The following STIM2 variants were observed in gnomAD, a reference collection of about 807,000 sequenced individuals.
STIM2 encodes the protein stromal interaction molecule 2.
In STIM2, 31 loss-of-function variants were observed where a neutral mutation model predicts 85.8. The ratio of observed to expected loss-of-function variants is 0.36; its 90% confidence interval spans 0.27 to 0.49. The LOEUF (loss-of-function observed/expected upper bound fraction) is 0.49, where lower values mean the gene tolerates loss of function less well. Ranked by LOEUF, STIM2 falls within the 20% of genes least tolerant of loss-of-function variation. The pLI, the probability that STIM2 is intolerant of heterozygous loss-of-function variation, is 0.98. For missense variants in STIM2, 841 were observed against 927.6 expected, an observed-to-expected ratio of 0.91 and a Z score of 1.21; for synonymous variants, 356 against 331.1, an observed-to-expected ratio of 1.08 and a Z score of -0.82.
intron 1 of STIM2, among the ~76,000 whole-genome samples, chr4:26,908,300 A>G (rs1235491981): frequency 6.6e-6 from 1 of 152,194 alleles, no homozygotes; most frequent in African/African-American, 2.4e-5. Flanking sequence ...AGGGAAAGAT[A>G]GAGTTCTTTG....
intron 3 of STIM2, among the ~76,000 whole-genome samples, chr4:26,968,291 G>A (rs1032441413): frequency 6.6e-6 from 1 of 152,130 alleles, no homozygotes; most frequent in African/African-American, 2.4e-5. Flanking sequence ...AGCAACCCAA[G>A]TGTCCATTGA....
chr4:26,969,950 A>G (rs1483480199), intron 3 of STIM2, among the ~76,000 whole-genome samples: 1 of 152,104 alleles, frequency 6.6e-6, no homozygotes, highest in Non-Finnish European at 1.5e-5. Context: ...AGTATAGTGT[A>G]TCTTCTCTTT....
chr4:26,897,216 G>C (rs1278989673), intron 1 of STIM2, among the ~76,000 whole-genome samples: 2 of 152,318 alleles, frequency 1.3e-5, no homozygotes, highest in Middle Eastern at 6.8e-3. Context: ...CTGATCTCCA[G>C]AGTGGCAGTA....
intron 1 of STIM2, among the ~76,000 whole-genome samples, chr4:26,874,704 A>G (rs1344601443): frequency 1.3e-5 from 2 of 152,230 alleles, no homozygotes; most frequent in Non-Finnish European, 1.5e-5. Flanking sequence ...GTGCTGGTTA[A>G]TATGAAATTG....
intron 1 of STIM2, among the ~76,000 whole-genome samples, chr4:26,904,829 C>T (rs556868801): frequency 2.0e-5 from 3 of 150,296 alleles, no homozygotes; most frequent in African/African-American, 4.9e-5. Flanking sequence ...CAACAATTCA[C>T]TGTGAGAAAA....
rs763036602 is a variant in STIM2 at position 27,017,893 on chromosome 4, G to C, written c.1672G>C (p.Asp558His). 6.2e-7 allele frequency: 1 copy of C among 1,614,082 alleles called. No individual in the cohort carries two copies. The highest frequency in any genetic ancestry group is 8.5e-7 in the Non-Finnish European group (1 of 1,180,012). Residue 558 changes from aspartate to histidine, a missense_variant, in exon 11 of 12, where the codon GAT (aspartate) becomes CAT (histidine). Coordinates refer to ENST00000467087, the MANE Select transcript of STIM2 (RefSeq NM_020860.4). ...CACACCACACTCCTTGCCTTCCCCTGATCCAGATATCCTCTCAGTGTCAAG... is the reference window on the plus strand; with the variant it reads ...CACACCACACTCCTTGCCTTCCCCTCATCCAGATATCCTCTCAGTGTCAAG...
At chr4:26,972,459 G>T (rs1385727327) in intron 3 of STIM2, among the ~76,000 whole-genome samples, 1 of 152,076 alleles carries the variant, frequency 6.6e-6, no homozygotes, top group Non-Finnish European at 1.5e-5. Flanking sequence ...AAGGGCTGTT[G>T]AGTTTTTTGA....
chr4:26,964,652 C>G (rs143023655), intron 3 of STIM2, among the ~76,000 whole-genome samples: 42 of 152,134 alleles, frequency 2.8e-4, no homozygotes, highest in Middle Eastern at 3.4e-3. Context: ...TTAACTGATT[C>G]ATACAGGAAA....
At chr4:26,885,859 A>ATATATATATGTATATATATATG (rs1553845029) in intron 1 of STIM2, among the ~76,000 whole-genome samples, 1 of 89,440 alleles carries the variant, frequency 1.1e-5, no homozygotes, top group Non-Finnish European at 2.3e-5. Context: ...ATATATATAT[A>ATATATATATGTATATATATATG]TATATATATA....
intron 1 of STIM2, among the ~76,000 whole-genome samples, chr4:26,908,220 A>G (rs892727200): frequency 4.6e-5 from 7 of 152,220 alleles, no homozygotes; most frequent in African/African-American, 1.7e-4. Flanking sequence ...TTTGGAATTT[A>G]CTTTCAGAAT....
chr4:26,987,874 A>G (rs1381144928), intron 3 of STIM2, among the ~76,000 whole-genome samples: 2 of 152,220 alleles, frequency 1.3e-5, no homozygotes, highest in East Asian at 3.8e-4. Context: ...AAGAGAAAAT[A>G]TGTTTCAAGT....
intron 2 of STIM2, among the ~76,000 whole-genome samples, chr4:26,923,335 G>A (rs1724881538): frequency 6.6e-6 from 1 of 151,916 alleles, no homozygotes; most frequent in African/African-American, 2.4e-5. Flanking sequence ...TCCTCCAAAG[G>A]AACGCAGTTC....
chr4:26,979,537 G>T (rs1260478345), intron 3 of STIM2, among the ~76,000 whole-genome samples: 2 of 152,138 alleles, frequency 1.3e-5, no homozygotes, highest in Admixed American at 1.3e-4. Context: ...TGTCGTTTGG[G>T]TTACTGGTGA....
At chr4:27,013,256 GGGGGT>G (rs1728619390) in intron 10 of STIM2, among the ~76,000 whole-genome samples, 1 of 151,580 alleles carries the variant, frequency 6.6e-6, no homozygotes, top group African/African-American at 2.4e-5. Flanking sequence ...ATTTCGAGGT[GGGGGT>G]GGGGGGAAAC....
chr4:26,888,327 C>T (rs1351136190), intron 1 of STIM2, among the ~76,000 whole-genome samples: 2 of 152,204 alleles, frequency 1.3e-5, no homozygotes, highest in African/African-American at 4.8e-5. Context: ...CATGCCAACC[C>T]TTTCCCCAGA....
Position 26,860,926 on chromosome 4 carries a change from T to A in STIM2, c.-293T>A. ...CGCCGTACCTTTCTACCCCCCACCT[T>A]TTTTTTTTTTTTTTTTAAATAACCG... On this transcript the variant is annotated 5_prime_UTR_variant, in exon 1 of 12. Transcript: ENST00000467087. 3.1e-5 allele frequency: 1 copy of A among 32,272 alleles called. No homozygotes were observed. The highest frequency in any genetic ancestry group is 4.0e-5 in the Non-Finnish European group (1 of 25,074). 2.0% of individuals were successfully genotyped at this position (32,272 alleles called of 1,614,324 possible).
intron 1 of STIM2, among the ~76,000 whole-genome samples, chr4:26,917,569 A>G (rs1266653624): frequency 6.9e-6 from 1 of 144,580 alleles, no homozygotes; most frequent in East Asian, 2.4e-4. Context: ...AAATACGCCT[A>G]TTTAAATAAA....
intron 1 of STIM2, among the ~76,000 whole-genome samples, chr4:26,871,091 A>G (rs935271578): frequency 6.6e-6 from 1 of 152,170 alleles, no homozygotes; most frequent in Non-Finnish European, 1.5e-5. Flanking sequence ...ACCCAGGATG[A>G]CAGAGTCAAT....
At chr4:26,913,318 C>A (rs1305336578) in intron 1 of STIM2, among the ~76,000 whole-genome samples, 20 of 151,744 alleles carry the variant, frequency 1.3e-4, no homozygotes, top group Admixed American at 1.2e-3. Context: ...AGTAACTATA[C>A]ATAGTAATAT....
Sources: gnomAD v4.1 joint callset for allele counts (sites outside exome capture counted in the v4.1 genomes callset) on GRCh38, gnomAD v4.1.1 for gene constraint, MANE v1.5 for transcripts, NCBI Gene and HGNC (gene_info 2026-07-23, HGNC 2026-07-21) for gene names.